Variants in CMC1 observed in about 807,000 individuals in gnomAD.
The protein encoded by CMC1 is COX assembly mitochondrial protein homolog.
CMC1 carries 14 observed loss-of-function variants against 14.1 expected under a neutral mutation model. That is an observed-to-expected ratio of 0.99 (90% CI 0.66 to 1.55). The LOEUF (loss-of-function observed/expected upper bound fraction) is 1.55. Among genes scored for constraint, CMC1 ranks in the 40% most tolerant of loss-of-function variants. The pLI is 0.00. For synonymous variants in CMC1, 50 were observed against 38.4 expected (o/e 1.30, Z -1.12); for missense variants, 127 against 123.8 (o/e 1.03, Z -0.12).
rs1460449727 is a variant in CMC1 at position 28,321,340 on chromosome 3, G to C, written c.*1711G>C. The C allele has an allele frequency of 2.6e-5, 4 of 151,390 alleles. No individual in the cohort carries two copies. In the East Asian group the frequency reaches 7.8e-4, roughly 29 times the overall value. 9.4% of individuals were successfully genotyped at this position (151,390 alleles called of 1,614,324 possible). ...AGTGAAATATACAATCTATTTTATA[G>C]CTTTGATTAAAATCAGAAGTAGCCC... On this transcript the variant is annotated 3_prime_UTR_variant, in exon 4 of 4. Coordinates refer to ENST00000466830, the MANE Select transcript of CMC1 (RefSeq NM_182523.2).
chr3:28,248,404 C>G lies in CMC1; in HGVS notation c.19+6592C>G, dbSNP rs1265778327. Among the ~76,000 whole-genome samples, 24 of 152,142 alleles carry G rather than the reference C, an allele frequency of 1.6e-4. 1 individual carries two copies. The highest frequency in any genetic ancestry group is 1.6e-3 in the Admixed American group (24 of 15,278). ...AGTTAGTAAGACTGACTTATTGTCTCAGACTTTGTCATTAACCTGTCCTTA... is the reference window on the plus strand; with the variant it reads ...AGTTAGTAAGACTGACTTATTGTCTGAGACTTTGTCATTAACCTGTCCTTA... On this transcript the variant is annotated intron_variant, in intron 1 of 3. Transcript: ENST00000466830.
At chr3:28,284,176 C>T (rs900541735) in intron 2 of CMC1, among the ~76,000 whole-genome samples, 3 of 152,076 alleles carry the variant, frequency 2.0e-5, no homozygotes, top group Non-Finnish European at 4.4e-5. Context: ...TTGAGGAGCT[C>T]TTTCATTTCA....
At chr3:28,309,941 CCACACACACACACACACACACACA>C (rs57007112) in intron 2 of CMC1, among the ~76,000 whole-genome samples, 26 of 132,572 alleles carry the variant, frequency 2.0e-4, no homozygotes, top group African/African-American at 4.3e-4. Flanking sequence ...CTGACGTCCA[CCACACACACACACACACACACACA>C]CACACACACA....
At chr3:28,297,298 C>T (rs1701785529) in intron 2 of CMC1, 1 of 151,942 alleles carries the variant, frequency 6.6e-6, no homozygotes, top group Admixed American at 6.6e-5. Flanking sequence ...TCAGTGTGGG[C>T]TTAAAGAAAA....
At chr3:28,243,725 C>CTACT (rs1303227861) in intron 1 of CMC1, among the ~76,000 whole-genome samples, 2 of 152,164 alleles carry the variant, frequency 1.3e-5, no homozygotes, top group African/African-American at 4.8e-5. Flanking sequence ...CCCTAGGGAA[C>CTACT]AGTAGTACAT....
chr3:28,278,962 T>C (rs1043886312), intron 2 of CMC1, among the ~76,000 whole-genome samples: 5 of 152,216 alleles, frequency 3.3e-5, no homozygotes, highest in Non-Finnish European at 7.3e-5. Context: ...TATTACTTTA[T>C]ATTACCTAAA....
chr3:28,323,962 T>A lies in CMC1; in HGVS notation c.*4333T>A, dbSNP rs185304972. The A allele has an allele frequency of 1.4e-4, 201 of 1,450,666 alleles. 3 individuals carry two copies. In the African/African-American group the frequency reaches 2.5e-3, roughly 18 times the overall value. The allele number at this position is 1,450,666 out of a possible 1,614,324, so 89.9% of individuals were successfully genotyped here. A position where few individuals can be genotyped will look rare whatever the true frequency, so the allele number is the denominator to read the frequency against. On this transcript the variant is annotated 3_prime_UTR_variant, in exon 4 of 4. Transcript: ENST00000466830. The stretch of plus-strand genomic sequence containing the variant: ...GCAAAATTTTAATCAAAATCTCCTT[T>A]CAGTTTGTTAAATAATTTCTTGGGA...
chr3:28,284,347 G>A (rs903439168), intron 2 of CMC1, among the ~76,000 whole-genome samples: 3 of 152,176 alleles, frequency 2.0e-5, no homozygotes, highest in African/African-American at 7.2e-5. Context: ...TATTCTTAGA[G>A]TAGAACCTTT....
intron 2 of CMC1, among the ~76,000 whole-genome samples, chr3:28,304,662 A>G (rs1419708278): frequency 1.3e-5 from 2 of 152,174 alleles, no homozygotes; most frequent in African/African-American, 2.4e-5. Flanking sequence ...TGATGGATAC[A>G]TTTTGTTAGT....
intron 2 of CMC1, among the ~76,000 whole-genome samples, chr3:28,286,541 G>A (rs1344862643): frequency 2.6e-5 from 4 of 152,116 alleles, no homozygotes; most frequent in Non-Finnish European, 5.9e-5. Flanking sequence ...ATTCATTTAT[G>A]AAGTCTGTTA....
rs1703134897 is a variant in CMC1 at position 28,319,953 on chromosome 3, A to G, written c.*324A>G. On this transcript the variant is annotated 3_prime_UTR_variant, in exon 4 of 4. Transcript: ENST00000466830. Reference sequence around the variant, plus strand: ...CCAGTGTATATGCTAATGGCTAATCATGGGAGCCAAAACTAAAGAAAAGCA... The same window carrying G: ...CCAGTGTATATGCTAATGGCTAATCGTGGGAGCCAAAACTAAAGAAAAGCA... 6.1e-6 allele frequency: 1 copy of G among 163,762 alleles called. No homozygotes were observed. Among genetic ancestry groups the G allele is most frequent in the African/African-American group, 2.4e-5 (1 of 41,678 alleles). 10.1% of individuals were successfully genotyped at this position (163,762 alleles called of 1,614,324 possible).
chr3:28,260,956 G>T (rs972231661), intron 1 of CMC1, among the ~76,000 whole-genome samples: 1 of 152,118 alleles, frequency 6.6e-6, no homozygotes, highest in Non-Finnish European at 1.5e-5. Flanking sequence ...AACATAGTTT[G>T]TAGGGCTTGA....
rs114484144 is a variant in CMC1 at position 28,304,050 on chromosome 3, A to C, written c.110-12283A>C. Among the ~76,000 whole-genome samples the C allele has an allele frequency of 1.9e-3, 293 of 152,212 alleles. 1 individual carries two copies. Among genetic ancestry groups the C allele is most frequent in the Middle Eastern group, 6.8e-3 (2 of 294 alleles). On this transcript the variant is annotated intron_variant, in intron 2 of 3. Transcript: ENST00000466830. ...CACCTGTTTGCATCTCACCTGAAGT[A>C]TAAGGAACTAAAAATGTCTTTAGCT...
chr3:28,302,292 A>C (rs1456710949), intron 2 of CMC1, among the ~76,000 whole-genome samples: 1 of 152,304 alleles, frequency 6.6e-6, no homozygotes, highest in African/African-American at 2.4e-5. Flanking sequence ...AGTGGCAAGA[A>C]ATCCTAGAAG....
intron 1 of CMC1, among the ~76,000 whole-genome samples, chr3:28,246,496 C>T (rs7645695): frequency 6.2e-4 from 94 of 152,190 alleles, no homozygotes; most frequent in African/African-American, 2.1e-3. Context: ...TTTTAGGTAA[C>T]GGAGTGACAA....
At position 28,320,555 on chromosome 3, in the gene CMC1, A is replaced by G. The variant is rs1427475455; in HGVS notation, c.*926A>G. On this transcript the variant is annotated 3_prime_UTR_variant, in exon 4 of 4. Transcript: ENST00000466830. ...AAATTAGCAACTAAGTTTCCAACACATGAACTCTTGGGGGACACATCAAAC... is the reference window on the plus strand; with the variant it reads ...AAATTAGCAACTAAGTTTCCAACACGTGAACTCTTGGGGGACACATCAAAC... 6.6e-6 allele frequency: 1 copy of G among 151,548 alleles called. No individual in the cohort carries two copies. The highest frequency in any genetic ancestry group is 1.9e-4 in the East Asian group (1 of 5,158). The allele number at this position is 151,548 out of a possible 1,614,324, so 9.4% of individuals were successfully genotyped here. A position where few individuals can be genotyped will look rare whatever the true frequency, so the allele number is the denominator to read the frequency against.
At chr3:28,241,874 A>T in intron 1 of CMC1, 62 bp downstream of exon 1, 1 of 1,232,754 alleles carries the variant, frequency 8.1e-7, no homozygotes, top group Non-Finnish European at 1.0e-6. Context: ...GCCGCGGGCC[A>T]TGCGGGCTGG....
At chr3:28,246,762 C>G (rs1212488669) in intron 1 of CMC1, among the ~76,000 whole-genome samples, 1 of 147,148 alleles carries the variant, frequency 6.8e-6, no homozygotes. Context: ...ATATTTGCTT[C>G]TCATCAAATA....
chr3:28,284,728 TTCTG>T (rs1701085612), intron 2 of CMC1, among the ~76,000 whole-genome samples: 1 of 150,708 alleles, frequency 6.6e-6, no homozygotes, highest in Non-Finnish European at 1.5e-5. Context: ...GTTGTTAGAT[TTCTG>T]TGTGTGTGTG....
Sources: allele counts gnomAD v4.1 joint callset (sites outside exome capture counted in the v4.1 genomes callset), GRCh38; gene constraint gnomAD v4.1.1; transcripts MANE v1.5; gene names NCBI Gene and HGNC (gene_info 2026-07-23, HGNC 2026-07-21).